KHDRBS2: variants seen among roughly 807,000 people sequenced by gnomAD.
KHDRBS2 encodes KH domain-containing, RNA-binding, signal transduction-associated protein 2.
A neutral mutation model predicts 44.3 loss-of-function variants in KHDRBS2; 26 were observed. The ratio of observed to expected loss-of-function variants is 0.59; its 90% CI spans 0.43 to 0.81. KHDRBS2 has a LOEUF of 0.81. KHDRBS2 is among the 40% of genes least tolerant of loss of function. The probability of loss-of-function intolerance (pLI) is 0.00; values close to 1 mark genes in which losing one functional copy is unlikely to be tolerated. For missense variants in KHDRBS2, 476 were observed against 433.1 expected (o/e 1.10, Z -0.88); for synonymous variants, 194 against 151.1 (o/e 1.28, Z -2.08).
chr6:61,757,578 G>A (rs1349265011), intron 6 of KHDRBS2, among the ~76,000 whole-genome samples: 1 of 152,062 alleles, frequency 6.6e-6, no homozygotes. Flanking sequence ...TACATTTTGT[G>A]TGATTGTTGA....
At chr6:62,025,329 T>G (rs183654910) in intron 3 of KHDRBS2, among the ~76,000 whole-genome samples, 1 of 151,862 alleles carries the variant, frequency 6.6e-6, no homozygotes, top group Admixed American at 6.6e-5. Context: ...TACCGTCACT[T>G]CCTTACTACA....
intron 7 of KHDRBS2, among the ~76,000 whole-genome samples, chr6:61,721,295 G>C (rs1772481789): frequency 6.6e-6 from 1 of 152,096 alleles, no homozygotes; most frequent in South Asian, 2.1e-4. Context: ...CTTTAAAGTA[G>C]TTTTTTCCAA....
intron 4 of KHDRBS2, among the ~76,000 whole-genome samples, chr6:61,902,655 G>T (rs1207922136): frequency 6.6e-6 from 1 of 152,144 alleles, no homozygotes; most frequent in Non-Finnish European, 1.5e-5. Context: ...CTCTTCTAGT[G>T]GTGAAGAGAG....
intron 3 of KHDRBS2, among the ~76,000 whole-genome samples, chr6:62,036,650 A>G (rs1404724491): frequency 6.6e-6 from 1 of 152,018 alleles, no homozygotes; most frequent in Admixed American, 6.6e-5. Flanking sequence ...TATTTCTTCC[A>G]ATGTTTTGGT....
At position 61,814,108 on chromosome 6, in the gene KHDRBS2, C is replaced by T. The variant is rs138318632; in HGVS notation, c.810+80527G>A. ...ATTTATACTAGCTGACTTTTAAGTC[C>T]ACTCAAATGAGTGATTCTATGATTC... is the stretch of plus-strand genomic sequence containing the variant. On this transcript the variant is annotated intron_variant, in intron 6 of 8. Coordinates refer to ENST00000281156, the MANE Select transcript of KHDRBS2 (RefSeq NM_152688.4). 265 of 453,814 alleles carry T rather than the reference C, an allele frequency of 5.8e-4. 1 individual carries two copies. The East Asian group carries it at 0.014, about 25-fold the overall frequency. The allele number at this position is 453,814 out of a possible 1,614,324, so 28.1% of individuals were successfully genotyped here.
intron 2 of KHDRBS2, among the ~76,000 whole-genome samples, chr6:62,126,856 G>A (rs1487448903): frequency 2.0e-5 from 3 of 152,136 alleles, no homozygotes; most frequent in Non-Finnish European, 4.4e-5. Context: ...CTTCAGTTTA[G>A]CTTTAGAACC....
At chr6:61,719,119 T>C (rs577943455) in intron 7 of KHDRBS2, among the ~76,000 whole-genome samples, 13 of 152,292 alleles carry the variant, frequency 8.5e-5, no homozygotes, top group African/African-American at 2.9e-4. Context: ...ACCTGATACA[T>C]TATTTAAGAA....
intron 6 of KHDRBS2, among the ~76,000 whole-genome samples, chr6:61,891,763 AC>A (rs1209307731): frequency 6.6e-6 from 1 of 152,154 alleles, no homozygotes; most frequent in East Asian, 1.9e-4. Flanking sequence ...AAATAATAAG[AC>A]CTGTCTATGA....
the KHDRBS2 span, among the ~76,000 whole-genome samples, chr6:61,544,057 A>G: frequency 6.6e-6 from 1 of 152,028 alleles, no homozygotes; most frequent in Non-Finnish European, 1.5e-5. Flanking sequence ...CAATAATGTG[A>G]CTACAGTCAA....
chr6:62,060,647 A>G (rs1007261346), intron 2 of KHDRBS2, among the ~76,000 whole-genome samples: 15 of 151,348 alleles, frequency 9.9e-5, no homozygotes, highest in Non-Finnish European at 2.1e-4. Context: ...ATATATATAT[A>G]TGAACTAAAA....
chr6:61,578,437 T>C, the KHDRBS2 span, among the ~76,000 whole-genome samples: 33 of 152,318 alleles, frequency 2.2e-4, no homozygotes, highest in African/African-American at 7.7e-4. Flanking sequence ...CCCGGACTTT[T>C]ATAGAATGAA....
intron 2 of KHDRBS2, among the ~76,000 whole-genome samples, chr6:62,050,310 T>A (rs144900891): frequency 6.2e-4 from 94 of 151,706 alleles, no homozygotes; most frequent in African/African-American, 2.2e-3. Flanking sequence ...GGGAGGGATA[T>A]CATTAGGAGA....
intron 2 of KHDRBS2, among the ~76,000 whole-genome samples, chr6:62,062,845 T>C (rs1384656343): frequency 2.7e-5 from 4 of 147,344 alleles, no homozygotes; most frequent in Non-Finnish European, 4.5e-5. Context: ...CAGGAGCTGG[T>C]TTTTTGAAAG....
intron 6 of KHDRBS2, among the ~76,000 whole-genome samples, chr6:61,805,764 C>T (rs1471399684): frequency 6.6e-6 from 1 of 152,282 alleles, no homozygotes; most frequent in African/African-American, 2.4e-5. Flanking sequence ...ATCATGAGAA[C>T]AACATGTGGG....
chr6:62,131,490 G>C (rs149862557), intron 2 of KHDRBS2, among the ~76,000 whole-genome samples: 1 of 152,302 alleles, frequency 6.6e-6, no homozygotes, highest in African/African-American at 2.4e-5. Context: ...CACCAAGTCT[G>C]AAGGAACGAG....
chr6:62,125,962 C>T (rs540781316), intron 2 of KHDRBS2, among the ~76,000 whole-genome samples: 23 of 152,002 alleles, frequency 1.5e-4, no homozygotes, highest in African/African-American at 3.9e-4. Flanking sequence ...AGTAAAGGAG[C>T]GGGAAGAGTA....
At chr6:61,744,804 A>C (rs1776638501) in intron 6 of KHDRBS2, among the ~76,000 whole-genome samples, 2 of 151,992 alleles carry the variant, frequency 1.3e-5, no homozygotes, top group Admixed American at 6.6e-5. Context: ...ATCTTTTCTT[A>C]TTAGGAGAAA....
intron 1 of KHDRBS2, among the ~76,000 whole-genome samples, chr6:62,205,843 T>C (rs1372207635): frequency 1.3e-5 from 2 of 152,150 alleles, no homozygotes; most frequent in Non-Finnish European, 2.9e-5. Flanking sequence ...TTTGTGATTA[T>C]ATTAACTGTG....
At position 62,215,345 on chromosome 6, in the gene KHDRBS2, T is replaced by C. The variant is rs116211673; in HGVS notation, c.92-38033A>G. Among the ~76,000 whole-genome samples, 381 of 151,868 alleles carry C rather than the reference T, an allele frequency of 2.5e-3. 3 individuals are homozygous for C. Among genetic ancestry groups the C allele is most frequent in the African/African-American group, 8.4e-3 (349 of 41,512 alleles). On this transcript the variant is annotated intron_variant, in intron 1 of 8. Coordinates refer to ENST00000281156, the MANE Select transcript of KHDRBS2 (RefSeq NM_152688.4). ...TGAAGGTGCAGAGCAAAATACACCT[T>C]TCCTATGGGAGAGTAGCTTACTGTA...
Sources: allele counts gnomAD v4.1 joint callset (sites outside exome capture counted in the v4.1 genomes callset), GRCh38; gene constraint gnomAD v4.1.1; transcripts MANE v1.5; gene names NCBI Gene and HGNC (gene_info 2026-07-23, HGNC 2026-07-21).